The following THAP12 variants were observed in gnomAD, a reference collection of about 807,000 sequenced individuals.
THAP12 encodes the protein 52 kDa repressor of the inhibitor of the protein kinase.
THAP12 carries 20 observed loss-of-function variants against 63.0 expected under a neutral mutation model. That is an observed-to-expected ratio of 0.32 (90% CI 0.22 to 0.46). THAP12 has a LOEUF of 0.46. THAP12 is among the 20% of genes least tolerant of loss of function. The pLI is 1.00. For missense variants in THAP12, 568 were observed against 908.2 expected (o/e 0.63, Z 4.81); for synonymous variants, 264 against 328.4 (o/e 0.80, Z 2.12).
intron 2 of THAP12, among the ~76,000 whole-genome samples, chr11:76,362,498 T>A (rs931813126): frequency 6.6e-6 from 1 of 152,206 alleles, no homozygotes; most frequent in Non-Finnish European, 1.5e-5. Flanking sequence ...ACAAAGATGA[T>A]TCTCTGACTT....
chr11:76,361,309 T>C (rs967708989), intron 2 of THAP12: 3 of 391,298 alleles, frequency 7.7e-6, no homozygotes, highest in East Asian at 4.8e-5. Context: ...AAAATGTACT[T>C]GCATTTTGCA....
chr11:76,366,083 T>G (rs1946628703), intron 1 of THAP12, 111 bp from the exon 2 acceptor site: 6 of 1,224,614 alleles, frequency 4.9e-6, no homozygotes, highest in Non-Finnish European at 6.8e-6. Flanking sequence ...CTCCCCTCCC[T>G]GAGAACATAA....
intron 3 of THAP12, among the ~76,000 whole-genome samples, chr11:76,359,828 G>A (rs558881010): frequency 5.6e-4 from 84 of 149,282 alleles, no homozygotes; most frequent in Non-Finnish European, 1.1e-3. Context: ...CTGTCTCGGG[G>A]GGGAAAAAAA....
intron 4 of THAP12, among the ~76,000 whole-genome samples, chr11:76,354,899 A>T (rs1335704647): frequency 6.6e-6 from 1 of 152,202 alleles, no homozygotes; most frequent in East Asian, 1.9e-4. Context: ...CGTGCACAGA[A>T]TACCTTTCCC....
intron 4 of THAP12, among the ~76,000 whole-genome samples, chr11:76,353,649 G>C (rs1490479732): frequency 6.6e-6 from 1 of 152,212 alleles, no homozygotes; most frequent in East Asian, 1.9e-4. Context: ...TAGTCATACA[G>C]GTCAGTGGTG....
chr11:76,378,595 A>G (rs961965825), intron 1 of THAP12, among the ~76,000 whole-genome samples: 7 of 150,500 alleles, frequency 4.7e-5, no homozygotes, highest in African/African-American at 1.5e-4. Context: ...AAAGACATCT[A>G]TTCTTTTTTT....
chr11:76,369,239 C>G (rs1211692109), intron 1 of THAP12, among the ~76,000 whole-genome samples: 1 of 152,052 alleles, frequency 6.6e-6, no homozygotes, highest in African/African-American at 2.4e-5. Flanking sequence ...GAGGTAATAC[C>G]AAATATTGGG....
At chr11:76,362,488 A>G (rs556418834) in intron 2 of THAP12, among the ~76,000 whole-genome samples, 56 of 152,362 alleles carry the variant, frequency 3.7e-4, no homozygotes, top group Middle Eastern at 3.4e-3. Context: ...AATAGAAAAC[A>G]CAAAGATGAT....
intron 3 of THAP12, chr11:76,356,020 T>C (rs1238477131): frequency 6.0e-6 from 1 of 166,438 alleles, no homozygotes; most frequent in African/African-American, 2.4e-5. Flanking sequence ...TACTTCCCAA[T>C]TTAACCCTGG....
chr11:76,375,873 T>G (rs1024737507), intron 1 of THAP12, among the ~76,000 whole-genome samples: 1 of 152,098 alleles, frequency 6.6e-6, no homozygotes, highest in Non-Finnish European at 1.5e-5. Flanking sequence ...TCAAATACAG[T>G]AGAACTTAAA....
chr11:76,352,057 TTAAGG>T lies in THAP12; in HGVS notation c.1088_1092del (p.Ala363GlufsTer21). 1 of 1,611,760 alleles carries T rather than the reference TTAAGG, an allele frequency of 6.2e-7. No individual in the cohort carries two copies. Among genetic ancestry groups the T allele is most frequent in the Non-Finnish European group, 8.5e-7 (1 of 1,179,672 alleles). ...GGTACTGATTTTGCCAACCACATAT[TTAAGG>T]CACAGGAAGAGCAGAGTGTGTAGAT... On this transcript the variant is annotated frameshift_variant, in exon 5 of 5. Transcript: ENST00000260045. LOFTEE classifies it high-confidence loss of function.
chr11:76,374,511 C>T (rs1207929859), intron 1 of THAP12, among the ~76,000 whole-genome samples: 1 of 152,116 alleles, frequency 6.6e-6, no homozygotes, highest in Non-Finnish European at 1.5e-5. Context: ...AACTTGAATG[C>T]TCAAATTATC....
rs1946535406 is a variant in THAP12 at position 76,352,647 on chromosome 11, G to C, written c.503C>G (p.Ser168Cys). Residue 168 changes from serine to cysteine, a missense_variant, in exon 5 of 5, where the codon TCT becomes TGT. Transcript: ENST00000260045. ...CATCAGAATCAAGATTTCAAATAGA[G>C]ATTTTAGGTATTCTTTGTTTTCCTT... ...EEKENKEYLK[S>C]LFEILILMGK... 25 of 1,611,920 alleles carry C rather than the reference G, an allele frequency of 1.6e-5. No individual in the cohort carries two copies. The highest frequency in any genetic ancestry group is 2.1e-5 in the Non-Finnish European group (25 of 1,179,854).
intron 3 of THAP12, chr11:76,358,739 T>A (rs557339696): frequency 6.6e-6 from 1 of 151,828 alleles, no homozygotes; most frequent in South Asian, 2.1e-4. Flanking sequence ...GCCCAGGAGG[T>A]GGAGGCTGCA....
intron 1 of THAP12, 66 bp downstream of exon 1, chr11:76,380,682 G>C (rs1464993259): frequency 1.9e-5 from 23 of 1,223,918 alleles, no homozygotes; most frequent in Non-Finnish European, 2.4e-5. Flanking sequence ...CCCGCCAGGG[G>C]CCGGCGGCTG....
chr11:76,360,489 T>G (rs1158657218), intron 3 of THAP12, among the ~76,000 whole-genome samples: 1 of 152,226 alleles, frequency 6.6e-6, no homozygotes, highest in Non-Finnish European at 1.5e-5. Context: ...GTGTAAATTA[T>G]GCCATATACA....
intron 1 of THAP12, among the ~76,000 whole-genome samples, chr11:76,369,245 T>C (rs1373761428): frequency 6.6e-6 from 1 of 152,156 alleles, no homozygotes; most frequent in East Asian, 1.9e-4. Flanking sequence ...ATACCAAATA[T>C]TGGGGAGAAG....
intron 4 of THAP12, among the ~76,000 whole-genome samples, chr11:76,353,716 CA>C (rs770461778): frequency 2.0e-5 from 3 of 152,202 alleles, no homozygotes; most frequent in Non-Finnish European, 2.9e-5. Context: ...GTTCTTAGAA[CA>C]TAAGACTAGG....
intron 1 of THAP12, among the ~76,000 whole-genome samples, chr11:76,376,001 C>T (rs890145595): frequency 6.6e-6 from 1 of 152,066 alleles, no homozygotes; most frequent in Non-Finnish European, 1.5e-5. Flanking sequence ...GAATCTAGAA[C>T]AGGCAAATTT....
Sources: gnomAD v4.1 joint callset for allele counts (sites outside exome capture counted in the v4.1 genomes callset) on GRCh38, gnomAD v4.1.1 for gene constraint, MANE v1.5 for transcripts, NCBI Gene and HGNC (gene_info 2026-07-23, HGNC 2026-07-21) for gene names.